PPP2R2C: variants seen among roughly 807,000 people sequenced by gnomAD.
PPP2R2C encodes protein phosphatase 2 regulatory subunit Bgamma.
Under a neutral mutation model 45.3 loss-of-function variants are expected in PPP2R2C, and 10 were observed. The ratio of observed to expected loss-of-function variants is 0.22; its 90% confidence interval spans 0.14 to 0.37. The LOEUF is 0.37. Ranked by LOEUF, PPP2R2C falls within the 10% of genes least tolerant of loss-of-function variation. The pLI, the probability that PPP2R2C is intolerant of heterozygous loss-of-function variation, is 1.00. For missense variants in PPP2R2C, 308 were observed against 619.7 expected, an observed-to-expected ratio of 0.50 and a Z score of 5.34; for synonymous variants, 257 against 245.4, an observed-to-expected ratio of 1.05 and a Z score of -0.44.
chr4:6,477,210 A>G (rs1722190427), upstream of PPP2R2C, among the ~76,000 whole-genome samples: 2 of 152,114 alleles, frequency 1.3e-5, no homozygotes, highest in African/African-American at 4.8e-5. Context: ...ATGGTGCCAC[A>G]CTGCACTCCA....
chr4:6,534,633 A>C (rs1020816353), intron 2 of PPP2R2C, among the ~76,000 whole-genome samples: 3 of 151,926 alleles, frequency 2.0e-5, no homozygotes, highest in Admixed American at 2.0e-4. Context: ...GAACACACAC[A>C]TATCAACACA....
At chr4:6,458,184 G>A (rs1339133597) in intron 1 of PPP2R2C, among the ~76,000 whole-genome samples, 1 of 152,212 alleles carries the variant, frequency 6.6e-6, no homozygotes, top group East Asian at 1.9e-4. Flanking sequence ...CATCTTTGCT[G>A]GCCAATTCCT....
chr4:6,483,926 C>A (rs1156976379), intron 2 of PPP2R2C, among the ~76,000 whole-genome samples: 3 of 152,072 alleles, frequency 2.0e-5, no homozygotes, highest in Non-Finnish European at 4.4e-5. Context: ...TGCAGACCAG[C>A]TGCGTATTTT....
chr4:6,486,550 T>A (rs1293224253), intron 2 of PPP2R2C, among the ~76,000 whole-genome samples: 1 of 152,124 alleles, frequency 6.6e-6, no homozygotes, highest in Non-Finnish European at 1.5e-5. Flanking sequence ...TGTCTCTGAT[T>A]AGGTGCATAA....
intron 1 of PPP2R2C, among the ~76,000 whole-genome samples, chr4:6,539,468 G>C (rs934532212): frequency 6.6e-5 from 10 of 152,288 alleles, no homozygotes; most frequent in African/African-American, 2.4e-4. Context: ...ATTGTGTCAC[G>C]CTTCACCGGT....
chr4:6,382,201 C>T (rs956871466), intron 1 of PPP2R2C: 10 of 1,193,134 alleles, frequency 8.4e-6, no homozygotes, highest in Non-Finnish European at 1.1e-5. Context: ...GAATACCATC[C>T]CCATAGGCCC....
Position 6,345,498 on chromosome 4 carries a change from A to T in PPP2R2C, c.790+2348T>A, listed in dbSNP as rs923349668. On this transcript the variant is annotated intron_variant, in intron 6 of 8. Transcript: ENST00000382599. The surrounding 1 kb of genome is among the most constrained non-coding windows in gnomAD (Gnocchi z 5.3). ...ATCCTGGATCATTAGGGGTGGCAGGAACAAGGCGATCACAAGGGCCTTTAT... is the reference window on the plus strand; with the variant it reads ...ATCCTGGATCATTAGGGGTGGCAGGTACAAGGCGATCACAAGGGCCTTTAT... Among the ~76,000 whole-genome samples, 1 of 152,230 alleles carries T rather than the reference A, an allele frequency of 6.6e-6. No homozygotes were observed. The highest frequency in any genetic ancestry group is 2.4e-5 in the African/African-American group (1 of 41,458).
At chr4:6,434,114 T>C (rs139435116) in intron 1 of PPP2R2C, among the ~76,000 whole-genome samples, 10 of 152,312 alleles carry the variant, frequency 6.6e-5, no homozygotes, top group African/African-American at 2.2e-4. Context: ...AAGCATGTCA[T>C]GGATCATCCA....
chr4:6,492,557 A>G (rs1166731764), intron 2 of PPP2R2C, among the ~76,000 whole-genome samples: 1 of 152,186 alleles, frequency 6.6e-6, no homozygotes, highest in African/African-American at 2.4e-5. Context: ...ACCCATCTGA[A>G]CTGATAATCC....
intron 1 of PPP2R2C, among the ~76,000 whole-genome samples, chr4:6,455,439 T>C (rs1720971652): frequency 1.3e-5 from 2 of 152,096 alleles, no homozygotes; most frequent in African/African-American, 4.8e-5. Flanking sequence ...CCCCCAGCCT[T>C]CTAGTCACAC....
chr4:6,438,100 G>A (rs1719979985), intron 1 of PPP2R2C, among the ~76,000 whole-genome samples: 1 of 152,124 alleles, frequency 6.6e-6, no homozygotes, highest in South Asian at 2.1e-4. Context: ...TTTCATATCA[G>A]GCAACTGGAA....
rs1419463865 is a variant in PPP2R2C, at chr4:6,471,192, T to A, written c.70+968A>T. Among the ~76,000 whole-genome samples, 2 of 151,958 alleles carry A rather than the reference T, an allele frequency of 1.3e-5. No homozygotes were observed. The highest frequency in any genetic ancestry group is 2.9e-5 in the Non-Finnish European group (2 of 67,956). On this transcript the variant is annotated intron_variant, in intron 1 of 8. Coordinates refer to ENST00000382599, the MANE Select transcript of PPP2R2C (RefSeq NM_020416.4). This position sits in a 1 kb window ranked among gnomAD's most constrained non-coding sequence, Gnocchi z 5.6. Reference sequence around the variant, plus strand: ...CACCCGGGGAATCCGCGCACACTTCTGCGGCCGGGCCGCCAGCCCGTGGGT... The same window carrying A: ...CACCCGGGGAATCCGCGCACACTTCAGCGGCCGGGCCGCCAGCCCGTGGGT...
At chr4:6,529,815 G>A (rs1345480854) in intron 2 of PPP2R2C, among the ~76,000 whole-genome samples, 1 of 152,218 alleles carries the variant, frequency 6.6e-6, no homozygotes, top group African/African-American at 2.4e-5. Context: ...ATGAAGAACA[G>A]TGGGTGAGGA....
At chr4:6,511,528 GTGGTGGTGGTGGTGGTGA>G (rs1723490654) in intron 2 of PPP2R2C, among the ~76,000 whole-genome samples, 5 of 20,240 alleles carry the variant, frequency 2.5e-4, no homozygotes, top group African/African-American at 6.5e-4. Flanking sequence ...GGTGGTGATG[GTGGTGGTGGTGGTGGTGA>G]TGGTGGTGGT....
chr4:6,522,368 A>G (rs1337441555), intron 2 of PPP2R2C, among the ~76,000 whole-genome samples: 3 of 152,198 alleles, frequency 2.0e-5, no homozygotes, highest in Non-Finnish European at 4.4e-5. Flanking sequence ...CTCACTGTAG[A>G]GGTGGGAAAT....
chr4:6,491,009 C>T (rs913750261), intron 2 of PPP2R2C, among the ~76,000 whole-genome samples: 2 of 152,152 alleles, frequency 1.3e-5, no homozygotes, highest in Admixed American at 1.3e-4. Context: ...CTCTCCTGAA[C>T]GCGGGGCACC....
In PPP2R2C at chr4:6,328,678, T is replaced by G. The variant is rs1238749463; in HGVS notation, c.1052+584A>C. Among the ~76,000 whole-genome samples, 7 of 152,154 alleles carry G rather than the reference T, an allele frequency of 4.6e-5. No homozygotes were observed. Among genetic ancestry groups the G allele is most frequent in the Non-Finnish European group, 8.8e-5 (6 of 68,022 alleles). On this transcript the variant is annotated intron_variant, in intron 8 of 8. Transcript: ENST00000382599. The surrounding 1 kb of genome is among the most constrained non-coding windows in gnomAD (Gnocchi z 4.4). ...AGACACAGGAACTCACTTCTGGCAC[T>G]GGGGCGCCACTTTCCAGGCAGGTGG...
chr4:6,348,719 G>A, intron 5 of PPP2R2C: 1 of 984,898 alleles, frequency 1.0e-6, no homozygotes, highest in South Asian at 4.7e-5. Flanking sequence ...GCTTCTATCT[G>A]CTGCCAGGAC....
intron 1 of PPP2R2C, among the ~76,000 whole-genome samples, chr4:6,535,860 G>C (rs1724593492): frequency 6.6e-6 from 1 of 152,200 alleles, no homozygotes; most frequent in Non-Finnish European, 1.5e-5. Context: ...AGAGCACATG[G>C]CCACTGAGGT....
Sources: gnomAD v4.1 joint callset for allele counts (sites outside exome capture counted in the v4.1 genomes callset) on GRCh38, gnomAD v4.1.1 for gene constraint, Gnocchi (gnomAD v3.1) non-coding constraint, MANE v1.5 for transcripts, NCBI Gene and HGNC (gene_info 2026-07-23, HGNC 2026-07-21) for gene names.